USH2A: variants seen among roughly 807,000 people sequenced by gnomAD.
USH2A encodes the protein usherin.
A neutral mutation model predicts 538.9 loss-of-function variants in USH2A; 443 were observed. The ratio of observed to expected loss-of-function variants is 0.82; its 90% CI spans 0.76 to 0.89. The LOEUF is 0.89. Ranked by LOEUF, USH2A falls within the 40% of genes least tolerant of loss-of-function variation. The pLI is 0.00. For synonymous variants in USH2A, 2,413 were observed against 2,273.5 expected, an observed-to-expected ratio of 1.06 and a Z score of -1.75; for missense variants, 6,633 against 6,324.8, an observed-to-expected ratio of 1.05 and a Z score of -1.65.
intron 43 of USH2A, among the ~76,000 whole-genome samples, chr1:215,876,039 G>A (rs1664759663): frequency 6.6e-6 from 1 of 151,230 alleles, no homozygotes; most frequent in East Asian, 1.9e-4. Context: ...AGTTCTTTGA[G>A]GTCAAGGGCT....
At chr1:215,893,394 G>T (rs1665253458) in intron 40 of USH2A, among the ~76,000 whole-genome samples, 1 of 152,020 alleles carries the variant, frequency 6.6e-6, no homozygotes, top group South Asian at 2.1e-4. Flanking sequence ...TCAACCTGTG[G>T]CAATTATCTT....
At chr1:216,270,246 A>T (rs1290026098) in intron 11 of USH2A, among the ~76,000 whole-genome samples, 3 of 152,140 alleles carry the variant, frequency 2.0e-5, no homozygotes, top group African/African-American at 7.2e-5. Context: ...CCAATGAGGC[A>T]ATGTTGATAT....
rs180932523 is a variant in USH2A at position 216,253,510 on chromosome 1, G to A, written c.1972-2412C>T. Among the ~76,000 whole-genome samples the A allele has an allele frequency of 1.4e-4, 22 of 152,176 alleles. No individual in the cohort carries two copies. The East Asian group carries it at 3.7e-3, about 25-fold the overall frequency. On this transcript the variant is annotated intron_variant, in intron 11 of 71. Coordinates refer to ENST00000307340, the MANE Select transcript of USH2A (RefSeq NM_206933.4). ...ATGTAATGCATGTATCATCTGGAGC[G>A]TCCTTGCCTTTTGAAATCTAGATAA...
chr1:215,710,374 A>G (rs1026812327), intron 61 of USH2A, among the ~76,000 whole-genome samples: 1 of 152,222 alleles, frequency 6.6e-6, no homozygotes, highest in Non-Finnish European at 1.5e-5. Context: ...ACAGGGTGCA[A>G]TAATACAGCA....
intron 37 of USH2A, among the ~76,000 whole-genome samples, chr1:215,950,516 T>G (rs892029313): frequency 6.6e-6 from 1 of 150,990 alleles, no homozygotes; most frequent in African/African-American, 2.4e-5. Context: ...TTTTTTTTTT[T>G]TTTTTTCTGA....
At chr1:216,419,889 G>C (rs1463613769) in intron 2 of USH2A, among the ~76,000 whole-genome samples, 1 of 151,724 alleles carries the variant, frequency 6.6e-6, no homozygotes, top group Non-Finnish European at 1.5e-5. Context: ...TGGGAGGTAA[G>C]AATAAGATTG....
At chr1:215,795,786 A>G (rs545685610) in intron 50 of USH2A, among the ~76,000 whole-genome samples, 36 of 152,226 alleles carry the variant, frequency 2.4e-4, no homozygotes, top group African/African-American at 8.7e-4. Context: ...TTTCTAGTAG[A>G]CGTTACTATG....
At chr1:215,994,541 T>C (rs907446271) in intron 34 of USH2A, among the ~76,000 whole-genome samples, 4 of 152,182 alleles carry the variant, frequency 2.6e-5, no homozygotes, top group African/African-American at 9.6e-5. Flanking sequence ...GCCCATGTCT[T>C]CAGGATAATT....
intron 9 of USH2A, among the ~76,000 whole-genome samples, chr1:216,305,935 T>C (rs1274761246): frequency 1.2e-4 from 18 of 152,182 alleles, no homozygotes; most frequent in Non-Finnish European, 8.8e-5. Context: ...GCCTCACAGC[T>C]CTTAAGATTC....
intron 54 of USH2A, among the ~76,000 whole-genome samples, chr1:215,780,778 C>T (rs1202384617): frequency 6.6e-6 from 1 of 152,198 alleles, no homozygotes; most frequent in Non-Finnish European, 1.5e-5. Context: ...CAATCAGCTG[C>T]CATCTATCTA....
At chr1:215,670,168 T>G (rs776583759) in intron 64 of USH2A, among the ~76,000 whole-genome samples, 10 of 152,162 alleles carry the variant, frequency 6.6e-5, no homozygotes, top group Non-Finnish European at 1.5e-4. Context: ...ACTTCTCACC[T>G]CCACCTTTTA....
chr1:216,370,801 C>T (rs1336128807), intron 3 of USH2A, among the ~76,000 whole-genome samples: 2 of 149,596 alleles, frequency 1.3e-5, no homozygotes, highest in South Asian at 2.1e-4. Context: ...TTTGAAGTAA[C>T]AGTCAGTTTG....
At chr1:215,838,548 T>C (rs1254778287) in intron 46 of USH2A, among the ~76,000 whole-genome samples, 4 of 152,166 alleles carry the variant, frequency 2.6e-5, no homozygotes, top group Non-Finnish European at 5.9e-5. Context: ...TAATGTCTAA[T>C]GGAGGAAAAA....
chr1:215,825,194 C>A (rs1163055578), intron 47 of USH2A, among the ~76,000 whole-genome samples: 3 of 152,048 alleles, frequency 2.0e-5, no homozygotes, highest in Non-Finnish European at 4.4e-5. Flanking sequence ...TACTATTGTG[C>A]CACCCCCACA....
chr1:216,153,516 G>A (rs2033881259), intron 21 of USH2A, among the ~76,000 whole-genome samples: 2 of 152,218 alleles, frequency 1.3e-5, no homozygotes, highest in African/African-American at 4.8e-5. Flanking sequence ...TGATCCAACA[G>A]AGATCCAGTG....
intron 34 of USH2A, among the ~76,000 whole-genome samples, chr1:215,995,165 C>T (rs574122458): frequency 6.6e-6 from 1 of 152,110 alleles, no homozygotes; most frequent in Non-Finnish European, 1.5e-5. Context: ...TTTTAAAACA[C>T]AGTGTGAATT....
intron 38 of USH2A, among the ~76,000 whole-genome samples, chr1:215,913,615 T>G (rs1259180192): frequency 1.3e-5 from 2 of 152,044 alleles, no homozygotes; most frequent in Admixed American, 6.6e-5. Context: ...GAAACTACAA[T>G]TGTTGTTTAG....
chr1:215,740,453 T>C (rs553419453), intron 60 of USH2A, among the ~76,000 whole-genome samples: 3 of 152,174 alleles, frequency 2.0e-5, no homozygotes, highest in Admixed American at 6.5e-5. Flanking sequence ...TTATTTTAGG[T>C]AGGTACACTT....
intron 21 of USH2A, among the ~76,000 whole-genome samples, chr1:216,124,028 T>A (rs1254803415): frequency 6.6e-6 from 1 of 152,154 alleles, no homozygotes; most frequent in Non-Finnish European, 1.5e-5. Flanking sequence ...GATTTCCTTA[T>A]CCACAGAAAG....
Sources: allele counts gnomAD v4.1 joint callset (sites outside exome capture counted in the v4.1 genomes callset), GRCh38; gene constraint gnomAD v4.1.1; transcripts MANE v1.5; gene names NCBI Gene and HGNC (gene_info 2026-07-23, HGNC 2026-07-21).